The following STARD10 variants were observed in gnomAD, a reference collection of about 807,000 sequenced individuals.
STARD10 encodes StAR related lipid transfer domain containing 10.
In STARD10, 24 loss-of-function variants were observed where a neutral mutation model predicts 36.0. The observed-to-expected ratio is 0.67, with a 90% CI of 0.48 to 0.94. The LOEUF (loss-of-function observed/expected upper bound fraction) is 0.94, where lower values mean the gene tolerates loss of function less well. Among genes scored for constraint, STARD10 ranks in the 40% least tolerant of loss-of-function variants. The pLI, the probability that STARD10 is intolerant of heterozygous loss-of-function variation, is 0.00. For missense variants in STARD10, 335 were observed against 396.6 expected (o/e 0.84, Z 1.32); for synonymous variants, 156 against 161.9 (o/e 0.96, Z 0.28).
intron 1 of STARD10, among the ~76,000 whole-genome samples, chr11:72,790,930 G>A (rs1859134181): frequency 6.6e-6 from 1 of 152,208 alleles, no homozygotes; most frequent in African/African-American, 2.4e-5. Context: ...CTGCTTCTCT[G>A]CCCCTGCATT....
chr11:72,756,974 T>C (rs1268142669), intron 5 of STARD10, among the ~76,000 whole-genome samples: 1 of 151,860 alleles, frequency 6.6e-6, no homozygotes, highest in Non-Finnish European at 1.5e-5. Context: ...TGAAACCCCA[T>C]CTCTACTAAA....
chr11:72,792,144 G>C (rs1859153262), intron 1 of STARD10, among the ~76,000 whole-genome samples: 1 of 150,568 alleles, frequency 6.6e-6, no homozygotes. Context: ...CCGTCTCCCG[G>C]GTTCACGCCA....
At position 72,769,097 on chromosome 11, in the gene STARD10, G is replaced by A. The variant is rs541308071; in HGVS notation, c.208-9716C>T. ...TCCTCTTAAAAAGGGGTAAAGGGCT[G>A]GGGGGTGGAGGCATGAGGCGTCAGA... On this transcript the variant is annotated intron_variant, in intron 2 of 6. Transcript: ENST00000334805. Among the ~76,000 whole-genome samples the A allele has an allele frequency of 6.9e-4, 105 of 152,298 alleles. 1 individual carries two copies. The highest frequency in any genetic ancestry group is 2.5e-3 in the African/African-American group (104 of 41,566).
At chr11:72,783,470 C>T (rs979896680) in intron 1 of STARD10, 1 of 152,314 alleles carries the variant, frequency 6.6e-6, no homozygotes, top group East Asian at 1.9e-4. Context: ...TGATTCTCTG[C>T]TATCTACCTC....
chr11:72,788,382 G>A (rs527361188), intron 1 of STARD10, among the ~76,000 whole-genome samples: 2 of 152,254 alleles, frequency 1.3e-5, no homozygotes, highest in East Asian at 1.9e-4. Context: ...CTGTCACCTC[G>A]GTGCTGGTGT....
intron 2 of STARD10, among the ~76,000 whole-genome samples, chr11:72,762,602 G>C (rs1328167367): frequency 6.6e-6 from 1 of 151,990 alleles, no homozygotes; most frequent in Non-Finnish European, 1.5e-5. Context: ...AGATGAATTC[G>C]AGGCCTGTCT....
At position 72,754,981 on chromosome 11, in the gene STARD10, G is replaced by A. The variant is rs760566724; in HGVS notation, c.792C>T (p.Asp264=). 3.6e-5 allele frequency: 58 copies of A among 1,611,748 alleles called. No individual in the cohort carries two copies. Among genetic ancestry groups the A allele is most frequent in the Non-Finnish European group, 1.0e-5 (12 of 1,179,576 alleles). Residue 264 remains aspartate, a synonymous_variant, in exon 7 of 7, where the codon GAC becomes GAT. Transcript: ENST00000334805. ...VQHADSLENI[D]ESAVAESREE... ...CTCTGCTCTCGGCCACCGCGCTCTCGTCGATGTTCTCCAGTGAGTCCGCAT... is the reference window on the plus strand; with the variant it reads ...CTCTGCTCTCGGCCACCGCGCTCTCATCGATGTTCTCCAGTGAGTCCGCAT...
intron 1 of STARD10, among the ~76,000 whole-genome samples, chr11:72,790,591 C>T (rs949782937): frequency 3.3e-5 from 5 of 152,204 alleles, no homozygotes; most frequent in Admixed American, 1.3e-4. Flanking sequence ...CTGCTGTTAG[C>T]ATTCATGGAC....
Position 72,781,280 on chromosome 11 carries a change from C to T in STARD10, c.-99G>A, listed in dbSNP as rs1858993398. ...GTCGACGCGGCTGCAGATGCTGACGCCACCTTCCTGGGACCTGCAAGACCG... is the reference window on the plus strand; with the variant it reads ...GTCGACGCGGCTGCAGATGCTGACGTCACCTTCCTGGGACCTGCAAGACCG... On this transcript the variant is annotated 5_prime_UTR_variant, in exon 2 of 7. Coordinates refer to ENST00000334805, the MANE Select transcript of STARD10 (RefSeq NM_006645.3). The surrounding 1 kb of genome is among the most constrained non-coding windows in gnomAD (Gnocchi z 4.7). 9.4e-7 allele frequency: 1 copy of T among 1,063,884 alleles called. No homozygotes were observed. Among genetic ancestry groups the T allele is most frequent in the Non-Finnish European group, 1.4e-6 (1 of 730,898 alleles). 65.9% of individuals were successfully genotyped at this position (1,063,884 alleles called of 1,614,324 possible).
chr11:72,790,115 C>T (rs1859122646), intron 1 of STARD10, among the ~76,000 whole-genome samples: 3 of 152,370 alleles, frequency 2.0e-5, no homozygotes, highest in African/African-American at 2.4e-5. Context: ...TTTCTCCCGA[C>T]TGGGCCCTGT....
chr11:72,786,290 T>C (rs1859070106), intron 1 of STARD10, among the ~76,000 whole-genome samples: 3 of 151,834 alleles, frequency 2.0e-5, no homozygotes, highest in Admixed American at 2.0e-4. Context: ...AGATCAAGGC[T>C]GCAGTGAGCT....
chr11:72,764,669 C>A (rs995636690), intron 2 of STARD10, among the ~76,000 whole-genome samples: 1 of 152,188 alleles, frequency 6.6e-6, no homozygotes, highest in African/African-American at 2.4e-5. Flanking sequence ...GGCCACGCCC[C>A]AAAGGTGTAA....
chr11:72,755,587 AG>A, intron 6 of STARD10, 113 bp downstream of exon 6: 1 of 1,238,826 alleles, frequency 8.1e-7, no homozygotes, highest in African/African-American at 1.5e-5. Context: ...CTGGGATTAC[AG>A]GCATGAGCCA....
At chr11:72,770,979 G>C (rs1858848945) in intron 2 of STARD10, among the ~76,000 whole-genome samples, 1 of 152,242 alleles carries the variant, frequency 6.6e-6, no homozygotes, top group South Asian at 2.1e-4. Flanking sequence ...TCCATTCTCA[G>C]CAAATGTGGA....
At chr11:72,774,167 G>A (rs1858901167) in intron 2 of STARD10, among the ~76,000 whole-genome samples, 1 of 152,190 alleles carries the variant, frequency 6.6e-6, no homozygotes. Context: ...CCAAGGATGA[G>A]TAAATGGCTC....
intron 5 of STARD10, among the ~76,000 whole-genome samples, chr11:72,757,479 A>G (rs1209433271): frequency 6.6e-6 from 1 of 152,250 alleles, no homozygotes; most frequent in Admixed American, 6.5e-5. Context: ...CATCCAGGAC[A>G]GGCAGAGGGA....
chr11:72,759,685 C>G (rs1858691241), intron 2 of STARD10, among the ~76,000 whole-genome samples: 1 of 152,184 alleles, frequency 6.6e-6, no homozygotes, highest in South Asian at 2.1e-4. Context: ...ATCTCTATGT[C>G]TGTGCCCTCC....
At chr11:72,792,127 G>A (rs1187438628) in intron 1 of STARD10, among the ~76,000 whole-genome samples, 3 of 129,840 alleles carry the variant, frequency 2.3e-5, no homozygotes, top group African/African-American at 5.9e-5. Flanking sequence ...TCGGCTCACC[G>A]CAAGCTCCGT....
At chr11:72,787,549 G>A (rs1273992818) in intron 1 of STARD10, among the ~76,000 whole-genome samples, 1 of 152,248 alleles carries the variant, frequency 6.6e-6, no homozygotes, top group African/African-American at 2.4e-5. Flanking sequence ...AGGCCCAGAT[G>A]GCCACACCCC....
Sources: allele counts gnomAD v4.1 joint callset (sites outside exome capture counted in the v4.1 genomes callset), GRCh38; gene constraint gnomAD v4.1.1; non-coding constraint Gnocchi (gnomAD v3.1); transcripts MANE v1.5; gene names NCBI Gene and HGNC (gene_info 2026-07-23, HGNC 2026-07-21).